The following TTC27 variants were observed in gnomAD, a reference collection of about 807,000 sequenced individuals.
The protein encoded by TTC27 is tetratricopeptide repeat protein 27.
In TTC27, 79 loss-of-function variants were observed where a neutral mutation model predicts 115.9. That is an observed-to-expected ratio of 0.68 (90% CI 0.57 to 0.82). The LOEUF (loss-of-function observed/expected upper bound fraction) is 0.82, where lower values mean the gene tolerates loss of function less well. TTC27 is among the 40% of genes least tolerant of loss of function. The probability of loss-of-function intolerance (pLI) is 0.00; values close to 1 mark genes in which losing one functional copy is unlikely to be tolerated. For synonymous variants in TTC27, 401 were observed against 356.0 expected, an observed-to-expected ratio of 1.13 and a Z score of -1.42; for missense variants, 1,054 against 993.1, an observed-to-expected ratio of 1.06 and a Z score of -0.82.
chr2:32,648,858 A>G (rs1056597408), intron 4 of TTC27, among the ~76,000 whole-genome samples: 4 of 151,924 alleles, frequency 2.6e-5, no homozygotes. Flanking sequence ...CAAAAAATAC[A>G]AAAATTAGCT....
intron 4 of TTC27, among the ~76,000 whole-genome samples, chr2:32,648,430 C>A (rs950537313): frequency 8.5e-6 from 1 of 117,492 alleles, no homozygotes; most frequent in African/African-American, 3.4e-5. Context: ...GCACCTGGCA[C>A]CCCCCCTTTT....
In TTC27 at chr2:32,671,340, A is replaced by C. The variant is rs184830457; in HGVS notation, c.940-932A>C. Among the ~76,000 whole-genome samples, 5 of 151,650 alleles carry C rather than the reference A, an allele frequency of 3.3e-5. 1 individual carries two copies. The South Asian group carries it at 8.3e-4, about 25-fold the overall frequency. On this transcript the variant is annotated intron_variant, in intron 7 of 19. Coordinates refer to ENST00000317907, the MANE Select transcript of TTC27 (RefSeq NM_017735.5). ...CCAGTTGTTCTGACATCATTCATTC[A>C]CTTACTTATTTTTTGGAGAGACAGG...
intron 13 of TTC27, among the ~76,000 whole-genome samples, chr2:32,767,356 A>G (rs1193410576): frequency 5.3e-5 from 8 of 151,962 alleles, no homozygotes; most frequent in African/African-American, 1.7e-4. Context: ...GAGACAGCAT[A>G]TTTGATATAT....
chr2:32,752,205 G>T (rs76810765), intron 12 of TTC27, among the ~76,000 whole-genome samples: 1 of 152,094 alleles, frequency 6.6e-6, no homozygotes, highest in Non-Finnish European at 1.5e-5. Flanking sequence ...CAGCTTACAC[G>T]GAACATCTAC....
At chr2:32,653,134 A>C (rs1382210404) in intron 5 of TTC27, among the ~76,000 whole-genome samples, 1 of 152,202 alleles carries the variant, frequency 6.6e-6, no homozygotes, top group Non-Finnish European at 1.5e-5. Context: ...TGCTGAAAAC[A>C]TGTTATGTAT....
chr2:32,759,205 T>A (rs1669349505), intron 13 of TTC27, among the ~76,000 whole-genome samples: 1 of 152,192 alleles, frequency 6.6e-6, no homozygotes, highest in Non-Finnish European at 1.5e-5. Context: ...GCCTTCCCAT[T>A]TCACCAATCA....
chr2:32,640,637 G>A (rs1331353242), intron 4 of TTC27, among the ~76,000 whole-genome samples: 1 of 152,126 alleles, frequency 6.6e-6, no homozygotes, highest in Non-Finnish European at 1.5e-5. Flanking sequence ...ATTTATGTGT[G>A]TACTGTGTAG....
In TTC27 at chr2:32,695,427, T is replaced by C. The variant is rs139193008; in HGVS notation, c.1120-7380T>C. Among the ~76,000 whole-genome samples the C allele has an allele frequency of 4.0e-3, 605 of 151,824 alleles. 4 individuals carry two copies. Among genetic ancestry groups the C allele is most frequent in the African/African-American group, 0.014 (572 of 41,428 alleles). On this transcript the variant is annotated intron_variant, in intron 9 of 19. Coordinates refer to ENST00000317907, the MANE Select transcript of TTC27 (RefSeq NM_017735.5). ...GGTGAAATGCCATCTCTACTAAAAA[T>C]ATAAAAAATTAGGCCAGGCACGGTG... is the stretch of plus-strand genomic sequence containing the variant.
intron 12 of TTC27, among the ~76,000 whole-genome samples, chr2:32,745,579 T>C (rs1668795670): frequency 6.6e-6 from 1 of 151,376 alleles, no homozygotes; most frequent in South Asian, 2.1e-4. Flanking sequence ...GGGGTGGGAG[T>C]TTAATGACCT....
chr2:32,757,574 A>G (rs1669276414), intron 12 of TTC27, among the ~76,000 whole-genome samples: 1 of 152,200 alleles, frequency 6.6e-6, no homozygotes, highest in Non-Finnish European at 1.5e-5. Flanking sequence ...TTTTCCAACC[A>G]CATGTGCTTA....
intron 8 of TTC27, among the ~76,000 whole-genome samples, chr2:32,677,986 G>A (rs12994364): frequency 0.059 from 9,011 of 152,254 alleles, 390 homozygotes; most frequent in East Asian, 0.21. Flanking sequence ...TGGCTGCACA[G>A]TGGCCCATGC....
intron 3 of TTC27, 78 bp downstream of exon 3, chr2:32,634,083 C>T: frequency 6.9e-7 from 1 of 1,457,510 alleles, no homozygotes; most frequent in Non-Finnish European, 9.2e-7. Context: ...TAAACTGGAA[C>T]TCATAGTAGG....
chr2:32,709,811 G>C (rs916912294), intron 10 of TTC27, among the ~76,000 whole-genome samples: 3 of 152,034 alleles, frequency 2.0e-5, no homozygotes, highest in Non-Finnish European at 2.9e-5. Flanking sequence ...AAAGAGGGAA[G>C]GTGAAGATGT....
intron 10 of TTC27, among the ~76,000 whole-genome samples, chr2:32,723,698 C>CCTT (rs1558310802): frequency 4.4e-5 from 3 of 68,264 alleles, no homozygotes; most frequent in African/African-American, 2.3e-4. Context: ...GCTCCTTCCT[C>CCTT]CCTCCCTCCC....
intron 16 of TTC27, among the ~76,000 whole-genome samples, chr2:32,802,790 T>G (rs947078861): frequency 6.6e-6 from 1 of 152,194 alleles, no homozygotes; most frequent in African/African-American, 2.4e-5. Context: ...TTCTTCCCCA[T>G]ATATATTGCT....
intron 13 of TTC27, among the ~76,000 whole-genome samples, chr2:32,774,262 A>G (rs1389035016): frequency 6.6e-6 from 1 of 151,058 alleles, no homozygotes; most frequent in African/African-American, 2.4e-5. Context: ...GCTCACTGCA[A>G]CCTCCACCTC....
intron 13 of TTC27, among the ~76,000 whole-genome samples, chr2:32,774,183 C>CTTTT (rs35405720): frequency 2.1e-5 from 3 of 139,808 alleles, no homozygotes; most frequent in Non-Finnish European, 3.1e-5. Context: ...CTTCCTTTTA[C>CTTTT]TTTTTTTTTT....
At chr2:32,677,559 C>T (rs1004117914) in intron 8 of TTC27, among the ~76,000 whole-genome samples, 2 of 152,148 alleles carry the variant, frequency 1.3e-5, no homozygotes, top group African/African-American at 2.4e-5. Flanking sequence ...AAGCAATCCT[C>T]CTGCCTCAGC....
intron 11 of TTC27, among the ~76,000 whole-genome samples, chr2:32,735,829 T>G (rs1668435475): frequency 6.6e-6 from 1 of 152,060 alleles, no homozygotes; most frequent in Non-Finnish European, 1.5e-5. Flanking sequence ...CAGATTCTCC[T>G]GTATTCCATG....
Sources: gnomAD v4.1 joint callset for allele counts (sites outside exome capture counted in the v4.1 genomes callset) on GRCh38, gnomAD v4.1.1 for gene constraint, MANE v1.5 for transcripts, NCBI Gene and HGNC (gene_info 2026-07-23, HGNC 2026-07-21) for gene names.